The following PMS1 variants were observed in gnomAD, a reference collection of about 807,000 sequenced individuals.
The protein encoded by PMS1 is PMS1 protein homolog 1.
Under a neutral mutation model 93.1 loss-of-function variants are expected in PMS1, and 79 were observed. That is an observed-to-expected ratio of 0.85 (90% CI 0.71 to 1.02). The LOEUF (loss-of-function observed/expected upper bound fraction) is 1.02. Among genes scored for constraint, PMS1 ranks in the 50% least tolerant of loss-of-function variants. The pLI, the probability that PMS1 is intolerant of heterozygous loss-of-function variation, is 0.00. For missense variants in PMS1, 1,064 were observed against 1,085.3 expected (o/e 0.98, Z 0.28); for synonymous variants, 335 against 363.4 (o/e 0.92, Z 0.89).
intron 5 of PMS1, among the ~76,000 whole-genome samples, chr2:189,843,261 G>T (rs10189913): frequency 6.6e-6 from 1 of 151,720 alleles, no homozygotes; most frequent in African/African-American, 2.4e-5. Context: ...CAAGTGATCC[G>T]CCTGCCTCAG....
chr2:189,812,420 A>T (rs890296119), intron 4 of PMS1, among the ~76,000 whole-genome samples: 4 of 152,246 alleles, frequency 2.6e-5, no homozygotes, highest in Non-Finnish European at 5.9e-5. Context: ...ATCTCCCACC[A>T]TGCACTACAA....
chr2:189,871,031 A>T (rs1192173920), intron 11 of PMS1, among the ~76,000 whole-genome samples: 1 of 152,246 alleles, frequency 6.6e-6, no homozygotes, highest in Non-Finnish European at 1.5e-5. Flanking sequence ...CATGAAGCAT[A>T]GTGCCAGCGT....
intron 1 of PMS1, among the ~76,000 whole-genome samples, chr2:189,790,378 T>C (rs1301663512): frequency 6.6e-6 from 1 of 152,192 alleles, no homozygotes; most frequent in East Asian, 1.9e-4. Context: ...ATTGTTCTTA[T>C]CATTATTCAG....
At chr2:189,823,293 T>G (rs2052113187) in intron 5 of PMS1, among the ~76,000 whole-genome samples, 1 of 152,196 alleles carries the variant, frequency 6.6e-6, no homozygotes, top group South Asian at 2.1e-4. Context: ...ATTATTGTAC[T>G]TTAACTTCCA....
intron 11 of PMS1, 108 bp downstream of exon 11, chr2:189,868,037 CTA>C: frequency 1.1e-6 from 1 of 950,266 alleles, no homozygotes; most frequent in South Asian, 1.3e-5. Flanking sequence ...TTTTGTCTCA[CTA>C]TAAGTACAGT....
chr2:189,790,450 A>G (rs2048755226), intron 1 of PMS1, among the ~76,000 whole-genome samples: 1 of 152,176 alleles, frequency 6.6e-6, no homozygotes, highest in South Asian at 2.1e-4. Flanking sequence ...TGATTCCAGT[A>G]TCTGTGAGCT....
Position 189,867,883 on chromosome 2 carries a change from T to G in PMS1, c.2427T>G (p.Ser809=). ...GATACAGTGGATCAACTTACCTGTCTGATCCTCGTCTTACAGCGAATGGTT... is the reference window on the plus strand; with the variant it reads ...GATACAGTGGATCAACTTACCTGTCGGATCCTCGTCTTACAGCGAATGGTT... ...DQRYSGSTYL[S]DPRLTANGFK... Residue 809 remains serine, a synonymous_variant, in exon 11 of 13, where the codon TCT becomes TCG. Transcript: ENST00000441310. The G allele has an allele frequency of 1.9e-6, 3 of 1,607,646 alleles. No individual in the cohort carries two copies. The highest frequency in any genetic ancestry group is 2.6e-6 in the Non-Finnish European group (3 of 1,174,206).
intron 2 of PMS1, among the ~76,000 whole-genome samples, chr2:189,794,766 G>A (rs1158021583): frequency 6.6e-6 from 1 of 152,010 alleles, no homozygotes; most frequent in African/African-American, 2.4e-5. Context: ...TATATTTTTA[G>A]TATAAGAATA....
intron 1 of PMS1, among the ~76,000 whole-genome samples, chr2:189,788,384 T>G (rs2048554211): frequency 6.6e-6 from 1 of 152,192 alleles, no homozygotes; most frequent in African/African-American, 2.4e-5. Context: ...ATACATTATT[T>G]ATATATACTA....
chr2:189,871,203 C>T (rs1189251354), intron 11 of PMS1, among the ~76,000 whole-genome samples: 1 of 152,126 alleles, frequency 6.6e-6, no homozygotes, highest in Non-Finnish European at 1.5e-5. Flanking sequence ...CAAACTTCTA[C>T]CGATCCTAAG....
Position 189,877,270 on chromosome 2 carries a change from AG to A in PMS1, c.2636del. 1 of 1,613,090 alleles carries A rather than the reference AG, an allele frequency of 6.2e-7. No homozygotes were observed. The highest frequency in any genetic ancestry group is 1.1e-5 in the South Asian group (1 of 91,042). On this transcript the variant is annotated splice_acceptor_variant, in intron 12 of 12. Transcript: ENST00000441310. LOFTEE classifies it high-confidence loss of function. ...AAAATGTGTGACTTTCCCTTTGGAC[AG>A]GGAGAAGCAGTGCGTCTATCCAGAC...
chr2:189,859,076 A>G (rs2055673741), intron 9 of PMS1, among the ~76,000 whole-genome samples: 1 of 152,170 alleles, frequency 6.6e-6, no homozygotes, highest in Admixed American at 6.6e-5. Context: ...AAATAACCTT[A>G]ATTCTCTAGT....
intron 11 of PMS1, among the ~76,000 whole-genome samples, chr2:189,873,062 T>C (rs1309107472): frequency 2.0e-5 from 3 of 152,250 alleles, no homozygotes; most frequent in African/African-American, 7.2e-5. Context: ...TAAATTACTA[T>C]GTGACTGCTT....
rs757731143 is a variant in PMS1 at position 189,877,391 on chromosome 2, T to C, written c.2754T>C (p.Gly918=). Residue 918 remains glycine, a synonymous_variant, in exon 13 of 13, where the codon GGT becomes GGC. Transcript: ENST00000441310. ...ATGAAATTAAAGAGTGTGTTCATGGTCGCCCATTTTTTCATCATTTAACCT... is the reference window on the plus strand; with the variant it reads ...ATGAAATTAAAGAGTGTGTTCATGGCCGCCCATTTTTTCATCATTTAACCT... The part of the protein sequence containing the change: ...FGNEIKECVH[G]RPFFHHLTYL... 2 of 1,613,430 alleles carry C rather than the reference T, an allele frequency of 1.2e-6. No individual in the cohort carries two copies. Among genetic ancestry groups the C allele is most frequent in the Non-Finnish European group, 1.7e-6 (2 of 1,179,388 alleles).
At chr2:189,862,728 C>T (rs929913475) in intron 9 of PMS1, among the ~76,000 whole-genome samples, 1 of 152,180 alleles carries the variant, frequency 6.6e-6, no homozygotes, top group Non-Finnish European at 1.5e-5. Context: ...CCCAGGGCAA[C>T]TTCCTTAGTT....
chr2:189,814,977 T>C (rs1318110680), intron 4 of PMS1, among the ~76,000 whole-genome samples: 1 of 151,378 alleles, frequency 6.6e-6, no homozygotes, highest in East Asian at 1.9e-4. Context: ...CAGGTTCCTG[T>C]AGTCCCAGCT....
intron 2 of PMS1, among the ~76,000 whole-genome samples, chr2:189,792,541 C>A (rs926123821): frequency 2.6e-5 from 4 of 151,374 alleles, no homozygotes. Flanking sequence ...TTTAAAATCT[C>A]TTAATTATCA....
At chr2:189,874,145 G>C (rs1210629492) in intron 12 of PMS1, among the ~76,000 whole-genome samples, 1 of 151,672 alleles carries the variant, frequency 6.6e-6, no homozygotes, top group Non-Finnish European at 1.5e-5. Context: ...ATCATAGACT[G>C]ACTGTGGTAA....
chr2:189,864,381 G>A (rs2056360421), intron 10 of PMS1, 153 bp downstream of exon 10: 1 of 652,962 alleles, frequency 1.5e-6, no homozygotes, highest in Non-Finnish European at 2.7e-6. Flanking sequence ...TTCTAGGCCG[G>A]GCGCAGTGGC....
Sources: gnomAD v4.1 joint callset for allele counts (sites outside exome capture counted in the v4.1 genomes callset) on GRCh38, gnomAD v4.1.1 for gene constraint, MANE v1.5 for transcripts, NCBI Gene and HGNC (gene_info 2026-07-23, HGNC 2026-07-21) for gene names.